Variants in OFD1 observed in about 807,000 individuals in gnomAD.
OFD1 encodes centriole and centriolar satellite protein OFD1.
A neutral mutation model predicts 81.4 loss-of-function variants in OFD1; 12 were observed. That is an observed-to-expected ratio of 0.15 (90% confidence interval 0.09 to 0.24). OFD1 has a LOEUF of 0.24. OFD1 is among the 10% of genes least tolerant of loss of function. The probability of loss-of-function intolerance (pLI) is 1.00; values close to 1 mark genes in which losing one functional copy is unlikely to be tolerated. For missense variants in OFD1, 685 were observed against 733.9 expected (o/e 0.93, Z 0.77); for synonymous variants, 256 against 263.7 (o/e 0.97, Z 0.28).
At chrX:13,726,047 C>T in the OFD1 span, among the ~76,000 whole-genome samples, 2 of 111,535 alleles carry the variant, frequency 1.8e-5, no homozygotes, top group Non-Finnish European at 3.8e-5. Context: ...AGCGAGAAAA[C>T]AAGGTTAGAG....
chrX:13,768,291 T>A, intron 21 of OFD1, 67 bp downstream of exon 21: 1 of 848,179 alleles, frequency 1.2e-6, no homozygotes, highest in Non-Finnish European at 1.8e-6. Context: ...GCTTAACTTC[T>A]TGGGACGGGA....
chrX:13,753,064 C>T (rs2047563861), intron 10 of OFD1: 1 of 919,502 alleles, frequency 1.1e-6, no homozygotes, highest in African/African-American at 2.0e-5. Flanking sequence ...CCCCTTTGCT[C>T]TTTGTGTCAG....
intron 5 of OFD1, chrX:13,740,177 C>T (rs1472738998): frequency 1.0e-6 from 1 of 967,082 alleles, no homozygotes; most frequent in Non-Finnish European, 1.3e-6. Flanking sequence ...TTCTGGACTG[C>T]CCGCAAACTA....
chrX:13,741,913 G>A (rs1284894622), intron 5 of OFD1, among the ~76,000 whole-genome samples: 2 of 111,627 alleles, frequency 1.8e-5, no homozygotes, highest in Non-Finnish European at 3.8e-5. Flanking sequence ...GGCAGGAGCT[G>A]TTTCACTTCT....
intron 11 of OFD1, among the ~76,000 whole-genome samples, chrX:13,754,182 C>T (rs984933832): frequency 2.7e-5 from 3 of 110,798 alleles, no homozygotes; most frequent in Non-Finnish European, 5.7e-5. Flanking sequence ...GGGGTCTCAG[C>T]GTGTTAGCCA....
chrX:13,719,898 A>G, the OFD1 span: 2 of 1,202,143 alleles, frequency 1.7e-6, no homozygotes, highest in Non-Finnish European at 2.2e-6. Flanking sequence ...CAGCTGGCAA[A>G]AACTCCATTT....
chrX:13,728,967 A>G, the OFD1 span, among the ~76,000 whole-genome samples: 2 of 111,983 alleles, frequency 1.8e-5, no homozygotes, highest in Admixed American at 1.9e-4. Flanking sequence ...ATAGACAGAG[A>G]GCCAAAGCAT....
intron 19 of OFD1, among the ~76,000 whole-genome samples, chrX:13,765,681 A>C (rs757556153): frequency 1.8e-5 from 2 of 111,566 alleles, no homozygotes; most frequent in Non-Finnish European, 3.8e-5. Flanking sequence ...GAAAAAAAAA[A>C]TGTAGGTTAT....
At chrX:13,756,449 G>C in intron 12 of OFD1, 129 bp from the exon 13 acceptor site, 1 of 490,513 alleles carries the variant, frequency 2.0e-6, no homozygotes, top group Non-Finnish European at 3.5e-6. Flanking sequence ...TCTTATTGTA[G>C]AGAATCAGAC....
At chrX:13,764,737 T>G (rs1475918702) in intron 19 of OFD1, among the ~76,000 whole-genome samples, 1 of 112,199 alleles carries the variant, frequency 8.9e-6, no homozygotes, top group African/African-American at 3.2e-5. Flanking sequence ...AGGCAAGAGA[T>G]TTTGAGAGGG....
Position 13,734,785 on chromosome X carries a change from C to A in OFD1, c.-287C>A, listed in dbSNP as rs995544862. 1 of 1,069,354 alleles carries A rather than the reference C, an allele frequency of 9.4e-7. No individual in the cohort carries two copies. The highest frequency in any genetic ancestry group is 1.2e-6 in the Non-Finnish European group (1 of 831,986). The allele number at this position is 1,069,354 out of a possible 1,213,427, so 88.1% of individuals were successfully genotyped here. A position where few individuals can be genotyped will look rare whatever the true frequency, so the allele number is the denominator to read the frequency against. ...GCGGTCCTGCCTCGCTGCCTTCAGT[C>A]CCTAGTGTCTGGGTCCCCGCCCTCC... is the stretch of plus-strand genomic sequence containing the variant. On this transcript the variant is annotated 5_prime_UTR_variant, in exon 1 of 23. Transcript: ENST00000340096.
chrX:13,752,584 A>G, intron 10 of OFD1: 8 of 560,275 alleles, frequency 1.4e-5, no homozygotes, highest in Middle Eastern at 5.4e-4. Flanking sequence ...TTTCTATACT[A>G]AAATAGCTAA....
chrX:13,746,584 T>A, intron 7 of OFD1, 129 bp downstream of exon 7: 3 of 788,225 alleles, frequency 3.8e-6, no homozygotes, highest in African/African-American at 4.2e-5. Context: ...GTTGTGCAAA[T>A]TTTTTTTTAT....
intron 13 of OFD1, 114 bp from the exon 14 acceptor site, chrX:13,757,546 G>A: frequency 1.3e-6 from 1 of 756,924 alleles, no homozygotes; most frequent in Non-Finnish European, 1.9e-6. Context: ...TATTTATTGA[G>A]TCAGTACAAA....
In OFD1 at chrX:13,734,761, C is replaced by T. The variant is rs1373115094; in HGVS notation, c.-311C>T. 4 of 1,044,968 alleles carry T rather than the reference C, an allele frequency of 3.8e-6. No individual in the cohort carries two copies. The highest frequency in any genetic ancestry group is 4.3e-5 in the Admixed American group (1 of 23,095). 86.1% of individuals were successfully genotyped at this position (1,044,968 alleles called of 1,213,427 possible). On this transcript the variant is annotated 5_prime_UTR_variant, in exon 1 of 23. Coordinates refer to ENST00000340096, the MANE Select transcript of OFD1 (RefSeq NM_003611.3). ...GGAAGTTGCCGGACTGGCTGTGAGG[C>T]GGTCCTGCCTCGCTGCCTTCAGTCC...
chrX:13,719,422 C>T, the OFD1 span, among the ~76,000 whole-genome samples: 1 of 111,085 alleles, frequency 9.0e-6, no homozygotes, highest in Admixed American at 9.5e-5. Flanking sequence ...CTCAACCCAG[C>T]CAGGAAGTGC....
At chrX:13,768,320 A>G in intron 21 of OFD1, 96 bp downstream of exon 21, 2 of 682,309 alleles carry the variant, frequency 2.9e-6, no homozygotes, top group Non-Finnish European at 4.8e-6. Context: ...TCTCCATTGA[A>G]GACAAAAAGG....
intron 20 of OFD1, 167 bp from the exon 21 acceptor site, chrX:13,767,887 C>T: frequency 4.3e-6 from 2 of 462,741 alleles, no homozygotes; most frequent in South Asian, 6.6e-5. Flanking sequence ...ATTGAGATGA[C>T]ATATTTGTCT....
chrX:13,750,537 A>C (rs2047463510), intron 9 of OFD1, among the ~76,000 whole-genome samples: 1 of 112,424 alleles, frequency 8.9e-6, no homozygotes, highest in East Asian at 2.8e-4. Context: ...TCTCACTATG[A>C]AGACCATTCT....
Sources: allele counts gnomAD v4.1 joint callset (sites outside exome capture counted in the v4.1 genomes callset), GRCh38; gene constraint gnomAD v4.1.1; transcripts MANE v1.5; gene names NCBI Gene and HGNC (gene_info 2026-07-23, HGNC 2026-07-21).